The following UBA2 variants were observed in gnomAD, a reference collection of about 807,000 sequenced individuals.
UBA2 encodes ubiquitin like modifier activating enzyme 2, also known as SUMO-activating enzyme subunit 2.
A neutral mutation model predicts 77.2 loss-of-function variants in UBA2; 11 were observed. The ratio of observed to expected loss-of-function variants is 0.14; its 90% CI spans 0.09 to 0.24. The LOEUF (loss-of-function observed/expected upper bound fraction) is 0.24. UBA2 is among the 10% of genes least tolerant of loss of function. The pLI is 1.00. For synonymous variants in UBA2, 278 were observed against 276.7 expected (o/e 1.00, Z -0.05); for missense variants, 487 against 781.7 (o/e 0.62, Z 4.50).
At chr19:34,455,748 A>G (rs2075551168) in intron 12 of UBA2, among the ~76,000 whole-genome samples, 1 of 152,044 alleles carries the variant, frequency 6.6e-6, no homozygotes, top group South Asian at 2.1e-4. Flanking sequence ...GGATCAAGCG[A>G]TTCTCCTGTC....
chr19:34,442,631 T>C (rs772887831), intron 6 of UBA2, among the ~76,000 whole-genome samples: 2 of 152,122 alleles, frequency 1.3e-5, no homozygotes, highest in Non-Finnish European at 2.9e-5. Context: ...GGGTTTCACC[T>C]TGTTGGCCAG....
In UBA2 at chr19:34,438,693, T is replaced by C. The variant is rs2075336358; in HGVS notation, c.508T>C (p.Phe170Leu). Residue 170 changes from phenylalanine to leucine, a missense_variant, in exon 6 of 17, where the codon TTT becomes CTT. Coordinates refer to ENST00000246548, the MANE Select transcript of UBA2 (RefSeq NM_005499.3). ...ECHPKPTQRT[F>L]PGCTIRNTPS... ...TCATCCTAAGCCGACCCAGAGAACC[T>C]TTCCTGGCTGTACAATTCGTAACAC... 9 of 1,614,198 alleles carry C rather than the reference T, an allele frequency of 5.6e-6. No homozygotes were observed. The highest frequency in any genetic ancestry group is 7.6e-6 in the Non-Finnish European group (9 of 1,180,026).
chr19:34,467,869 G>C (rs2075704301), intron 16 of UBA2, among the ~76,000 whole-genome samples: 1 of 152,202 alleles, frequency 6.6e-6, no homozygotes, highest in Non-Finnish European at 1.5e-5. Flanking sequence ...AGTTTGAAAT[G>C]ATAGTTTACT....
intron 13 of UBA2, among the ~76,000 whole-genome samples, chr19:34,459,995 C>T (rs1245366910): frequency 6.6e-6 from 1 of 152,134 alleles, no homozygotes; most frequent in Admixed American, 6.6e-5. Flanking sequence ...TAGAGAGTTC[C>T]TCCTTTTTTC....
At chr19:34,457,630 C>G (rs2965271) in intron 12 of UBA2, among the ~76,000 whole-genome samples, 133,145 of 152,074 alleles carry the variant, frequency 0.88, 58,526 homozygotes, top group Non-Finnish European at 0.92. Flanking sequence ...TTACAGAGGA[C>G]GGCTTTAGTG....
chr19:34,435,074 A>G (rs1291112356), intron 5 of UBA2, 106 bp downstream of exon 5: 2 of 800,682 alleles, frequency 2.5e-6, no homozygotes, highest in Non-Finnish European at 4.0e-6. Context: ...TGAACATCCA[A>G]AATGTAAGGA....
chr19:34,464,480 C>T (rs1419810696), intron 15 of UBA2, among the ~76,000 whole-genome samples: 1 of 151,638 alleles, frequency 6.6e-6, no homozygotes, highest in Non-Finnish European at 1.5e-5. Context: ...ATCCCTTGAA[C>T]CCGAGAGGTG....
At chr19:34,438,819 A>G (rs2075337433) in intron 6 of UBA2, 53 bp downstream of exon 6, 2 of 1,599,766 alleles carry the variant, frequency 1.3e-6, no homozygotes, top group South Asian at 2.2e-5. Flanking sequence ...TGGAAAATGG[A>G]GTCATTTTTA....
intron 6 of UBA2, among the ~76,000 whole-genome samples, chr19:34,440,347 A>G (rs1326782501): frequency 6.6e-6 from 1 of 152,132 alleles, no homozygotes; most frequent in Non-Finnish European, 1.5e-5. Context: ...GAATGCCTGA[A>G]TTTAGCAGTA....
Position 34,469,321 on chromosome 19 carries a change from T to A in UBA2, c.*100T>A, listed in dbSNP as rs544494841. The A allele has an allele frequency of 7.8e-6, 9 of 1,157,782 alleles. No individual in the cohort carries two copies. The East Asian group carries it at 2.5e-4, about 32-fold the overall frequency. The allele number at this position is 1,157,782 out of a possible 1,614,324, so 71.7% of individuals were successfully genotyped here. A position where few individuals can be genotyped will look rare whatever the true frequency, so the allele number is the denominator to read the frequency against. On this transcript the variant is annotated 3_prime_UTR_variant, in exon 17 of 17. Coordinates refer to ENST00000246548, the MANE Select transcript of UBA2 (RefSeq NM_005499.3). ...TCCAAAGGGAAAAAATTGACAGCAGTGACTTGAAAATGATTCTGCTCCCTT... is the reference window on the plus strand; with the variant it reads ...TCCAAAGGGAAAAAATTGACAGCAGAGACTTGAAAATGATTCTGCTCCCTT...
At chr19:34,463,576 AT>A (rs2075655388) in intron 14 of UBA2, among the ~76,000 whole-genome samples, 9 of 8,518 alleles carry the variant, frequency 1.1e-3, no homozygotes, top group Non-Finnish European at 0.01. Flanking sequence ...AGATTTTGGG[AT>A]TGATTGATTG....
At position 34,430,617 on chromosome 19, in the gene UBA2, G is replaced by A. The variant is rs1392355151; in HGVS notation, c.180G>A (p.Gln60=). Residue 60 remains glutamine, a synonymous_variant, in exon 2 of 17, where the codon CAG becomes CAA. Coordinates refer to ENST00000246548, the MANE Select transcript of UBA2 (RefSeq NM_005499.3). The stretch of plus-strand genomic sequence containing the variant: ...TTGATGTAAGCAACCTCAACAGACA[G>A]TTTTTGTTTCAAAAGAAACATGTTG... ...DTIDVSNLNR[Q]FLFQKKHVGR... 8 of 1,613,858 alleles carry A rather than the reference G, an allele frequency of 5.0e-6. No individual in the cohort carries two copies. The highest frequency in any genetic ancestry group is 6.8e-6 in the Non-Finnish European group (8 of 1,179,864).
chr19:34,433,563 A>G, intron 4 of UBA2, 151 bp downstream of exon 4: 1 of 624,108 alleles, frequency 1.6e-6, no homozygotes, highest in Non-Finnish European at 2.8e-6. Flanking sequence ...CATTGATTGC[A>G]GTTTTATATA....
At chr19:34,466,214 G>A (rs1322545244) in intron 15 of UBA2, among the ~76,000 whole-genome samples, 1 of 151,948 alleles carries the variant, frequency 6.6e-6, no homozygotes, top group Admixed American at 6.6e-5. Flanking sequence ...CGCGCCTATA[G>A]TCCCAGCTGC....
chr19:34,467,252 G>A, intron 16 of UBA2: 1 of 435,870 alleles, frequency 2.3e-6, no homozygotes, highest in South Asian at 4.3e-5. Context: ...AGTATTACTT[G>A]AGGCCAGGAG....
chr19:34,461,816 T>C (rs960143597), intron 14 of UBA2, among the ~76,000 whole-genome samples: 3 of 140,300 alleles, frequency 2.1e-5, no homozygotes, highest in African/African-American at 7.6e-5. Flanking sequence ...CAAGGAAAAC[T>C]AGAAAGAGTG....
rs1022216371 is a variant in UBA2 at position 34,456,051 on chromosome 19, A to G, written c.1245+1495A>G. 3.4e-5 allele frequency among the ~76,000 whole-genome samples: 5 copies of G among 147,450 alleles called. No individual in the cohort carries two copies. In the Admixed American group the frequency reaches 3.4e-4, roughly 10 times the overall value. Reference sequence around the variant, plus strand: ...CTTGGCCCCCCAAAGTGCTGGGATTACAGGTGTGAGCCACTGCACTTGGCC... The same window carrying G: ...CTTGGCCCCCCAAAGTGCTGGGATTGCAGGTGTGAGCCACTGCACTTGGCC... On this transcript the variant is annotated intron_variant, in intron 12 of 16. Coordinates refer to ENST00000246548, the MANE Select transcript of UBA2 (RefSeq NM_005499.3).
chr19:34,461,943 A>C (rs888531999), intron 14 of UBA2, among the ~76,000 whole-genome samples: 4 of 152,214 alleles, frequency 2.6e-5, no homozygotes, highest in Non-Finnish European at 5.9e-5. Flanking sequence ...CTCCCTGGAC[A>C]AAGAAGAGAG....
intron 5 of UBA2, among the ~76,000 whole-genome samples, chr19:34,436,752 A>G (rs924005718): frequency 6.6e-6 from 1 of 152,150 alleles, no homozygotes; most frequent in Non-Finnish European, 1.5e-5. Flanking sequence ...TGTACTTAAC[A>G]TTTGCTGGTT....
Sources: gnomAD v4.1 joint callset for allele counts (sites outside exome capture counted in the v4.1 genomes callset) on GRCh38, gnomAD v4.1.1 for gene constraint, MANE v1.5 for transcripts, NCBI Gene and HGNC (gene_info 2026-07-23, HGNC 2026-07-21) for gene names.